Variants in DPF3 observed in about 807,000 individuals in gnomAD.
DPF3 encodes the protein zinc finger protein DPF3.
Under a neutral mutation model 56.8 loss-of-function variants are expected in DPF3, and 18 were observed. The ratio of observed to expected loss-of-function variants is 0.32; its 90% CI spans 0.22 to 0.47. DPF3 has a LOEUF of 0.47. Among genes scored for constraint, DPF3 ranks in the 20% least tolerant of loss-of-function variants. The pLI is 1.00. For missense variants in DPF3, 403 were observed against 488.8 expected (o/e 0.82, Z 1.65); for synonymous variants, 188 against 180.2 (o/e 1.04, Z -0.35).
chr14:72,781,781 G>A (rs902697585), intron 1 of DPF3, among the ~76,000 whole-genome samples: 5 of 152,144 alleles, frequency 3.3e-5, no homozygotes, highest in Admixed American at 1.3e-4. Flanking sequence ...TGTACCCAAG[G>A]TTTGCCTTTC....
chr14:72,620,142 G>A (rs1039620860), intron 9 of DPF3, among the ~76,000 whole-genome samples, 158 bp from the exon 10 acceptor site: 1 of 152,108 alleles, frequency 6.6e-6, no homozygotes, highest in Admixed American at 6.6e-5. Flanking sequence ...GAACACGCCT[G>A]TGCTTTTCCC....
In DPF3 at chr14:72,779,056, T is replaced by C. The variant is rs546174150; in HGVS notation, c.33-7163A>G. The stretch of plus-strand genomic sequence containing the variant: ...CTCCTGCATACCTGCCTGGCCTTCT[T>C]GCTGATTTACCCGCAGTGTTCAGCA... On this transcript the variant is annotated intron_variant, in intron 1 of 10. Coordinates refer to ENST00000556509, the MANE Select transcript of DPF3 (RefSeq NM_001280542.3). Among the ~76,000 whole-genome samples the C allele has an allele frequency of 2.0e-5, 3 of 152,328 alleles. No homozygotes were observed. The East Asian group carries it at 5.8e-4, about 29-fold the overall frequency.
chr14:72,783,379 A>T (rs865795468), intron 1 of DPF3, among the ~76,000 whole-genome samples: 4 of 152,178 alleles, frequency 2.6e-5, no homozygotes, highest in Admixed American at 1.3e-4. Context: ...TGCTCGACAC[A>T]TATCACTCAA....
chr14:72,889,558 A>C (rs1256896036), intron 1 of DPF3, among the ~76,000 whole-genome samples: 1 of 152,180 alleles, frequency 6.6e-6, no homozygotes, highest in East Asian at 1.9e-4. Context: ...CTCGACAGAA[A>C]GAGCTAAGAG....
At chr14:72,671,173 C>T (rs1222789723) in intron 8 of DPF3, 17 of 1,613,806 alleles carry the variant, frequency 1.1e-5, no homozygotes, top group Non-Finnish European at 7.6e-6. Flanking sequence ...GGGCGAACCC[C>T]GGCCACTGCG....
chr14:72,839,100 T>C (rs1467567741), intron 1 of DPF3, among the ~76,000 whole-genome samples: 1 of 151,462 alleles, frequency 6.6e-6, no homozygotes, highest in Non-Finnish European at 1.5e-5. Flanking sequence ...TTTGTATTTT[T>C]AGTAGAGACG....
chr14:72,687,864 T>C (rs980843497), intron 7 of DPF3, among the ~76,000 whole-genome samples: 2 of 152,056 alleles, frequency 1.3e-5, no homozygotes, highest in African/African-American at 4.8e-5. Flanking sequence ...TTTCAGGACA[T>C]CCAGTAGAAC....
chr14:72,889,829 A>AAC (rs1482433817), intron 1 of DPF3, among the ~76,000 whole-genome samples: 3 of 152,216 alleles, frequency 2.0e-5, no homozygotes, highest in African/African-American at 7.2e-5. Context: ...CAGGGACATA[A>AAC]ACACATACCT....
At chr14:72,624,668 A>T (rs1215219077) in intron 9 of DPF3, among the ~76,000 whole-genome samples, 2 of 152,162 alleles carry the variant, frequency 1.3e-5, no homozygotes, top group African/African-American at 4.8e-5. Context: ...CCAGGGATCC[A>T]ATCCAAGATC....
chr14:72,723,200 C>A (rs1889255392), intron 5 of DPF3, among the ~76,000 whole-genome samples: 1 of 151,562 alleles, frequency 6.6e-6, no homozygotes, highest in Non-Finnish European at 1.5e-5. Context: ...CCCTATCTCA[C>A]AACAGGCCCC....
At chr14:72,892,471 T>C (rs892562105) in intron 1 of DPF3, 13 of 1,428,990 alleles carry the variant, frequency 9.1e-6, no homozygotes, top group Non-Finnish European at 2.7e-6. Context: ...GCAGCTTTCA[T>C]ATAAATATAT....
chr14:72,691,599 T>C (rs989854527), intron 7 of DPF3, among the ~76,000 whole-genome samples: 2 of 151,804 alleles, frequency 1.3e-5, no homozygotes, highest in African/African-American at 4.8e-5. Context: ...TGGTGATGAG[T>C]GCCTATAGTC....
chr14:72,626,578 C>G (rs1884842314), intron 9 of DPF3, among the ~76,000 whole-genome samples: 1 of 152,128 alleles, frequency 6.6e-6, no homozygotes, highest in Non-Finnish European at 1.5e-5. Context: ...TCAACAACTA[C>G]TCTTCCATAT....
intron 1 of DPF3, among the ~76,000 whole-genome samples, chr14:72,873,235 A>C (rs1395277365): frequency 8.3e-6 from 1 of 120,634 alleles, no homozygotes; most frequent in African/African-American, 2.9e-5. Context: ...AGAAAAAAAC[A>C]AACAACCCCA....
chr14:72,734,743 C>T (rs1258199114), intron 3 of DPF3, among the ~76,000 whole-genome samples: 2 of 152,134 alleles, frequency 1.3e-5, no homozygotes, highest in East Asian at 3.8e-4. Context: ...CCAACAGCCA[C>T]ACAGCAGGAT....
chr14:72,793,953 C>T (rs1892541061), intron 1 of DPF3, among the ~76,000 whole-genome samples: 1 of 152,220 alleles, frequency 6.6e-6, no homozygotes, highest in Non-Finnish European at 1.5e-5. Context: ...CCTGGCCTAT[C>T]CAAATGGCCA....
chr14:72,728,362 C>T (rs1889495261), intron 4 of DPF3, among the ~76,000 whole-genome samples: 1 of 151,936 alleles, frequency 6.6e-6, no homozygotes, highest in Non-Finnish European at 1.5e-5. Flanking sequence ...GATTTGTACA[C>T]ATGGAGATGG....
intron 8 of DPF3, among the ~76,000 whole-genome samples, chr14:72,663,596 A>G (rs1886317946): frequency 6.6e-6 from 1 of 152,188 alleles, no homozygotes; most frequent in Non-Finnish European, 1.5e-5. Context: ...GAAATCTGCC[A>G]TTTTGGTCTT....
chr14:72,732,597 G>T (rs1257837723), intron 3 of DPF3, among the ~76,000 whole-genome samples: 1 of 152,210 alleles, frequency 6.6e-6, no homozygotes, highest in Non-Finnish European at 1.5e-5. Flanking sequence ...GAGCAGAGTG[G>T]CCACTGCACA....
Sources: gnomAD v4.1 joint callset for allele counts (sites outside exome capture counted in the v4.1 genomes callset) on GRCh38, gnomAD v4.1.1 for gene constraint, MANE v1.5 for transcripts, NCBI Gene and HGNC (gene_info 2026-07-23, HGNC 2026-07-21) for gene names.